The following DLGAP2 variants were observed in gnomAD, a reference collection of about 807,000 sequenced individuals.
The protein encoded by DLGAP2 is DLG associated protein 2.
A neutral mutation model predicts 100.3 loss-of-function variants in DLGAP2; 26 were observed. The observed-to-expected ratio is 0.26, with a 90% CI of 0.19 to 0.36. The LOEUF (loss-of-function observed/expected upper bound fraction) is 0.36. Ranked by LOEUF, DLGAP2 falls within the 10% of genes least tolerant of loss-of-function variation. The pLI, the probability that DLGAP2 is intolerant of heterozygous loss-of-function variation, is 1.00. For missense variants in DLGAP2, 1,858 were observed against 1,453.2 expected (o/e 1.28, Z -4.53); for synonymous variants, 886 against 630.1 (o/e 1.41, Z -6.08).
chr8:1,345,307 G>C (rs1801530323), intron 3 of DLGAP2, among the ~76,000 whole-genome samples: 1 of 136,272 alleles, frequency 7.3e-6, no homozygotes, highest in South Asian at 2.4e-4. Flanking sequence ...CTTCAGAGCA[G>C]AGTGTGCGGT....
At chr8:1,229,781 T>G (rs1374145679) in intron 2 of DLGAP2, among the ~76,000 whole-genome samples, 1 of 152,224 alleles carries the variant, frequency 6.6e-6, no homozygotes, top group African/African-American at 2.4e-5. Context: ...TACGTTCATC[T>G]GAGTACATTT....
At chr8:1,145,523 C>T (rs1002821615) in intron 2 of DLGAP2, among the ~76,000 whole-genome samples, 72 of 152,280 alleles carry the variant, frequency 4.7e-4, no homozygotes, top group Admixed American at 1.1e-3. Flanking sequence ...CTCCTCCTTC[C>T]ACTTCTCTCC....
intron 2 of DLGAP2, among the ~76,000 whole-genome samples, chr8:984,090 G>A (rs946952450): frequency 6.6e-6 from 1 of 152,196 alleles, no homozygotes; most frequent in African/African-American, 2.4e-5. Flanking sequence ...TTGGGCACCT[G>A]TCCCTACCTC....
intron 13 of DLGAP2, among the ~76,000 whole-genome samples, chr8:1,696,163 C>T (rs1799393475): frequency 6.6e-6 from 1 of 152,174 alleles, no homozygotes; most frequent in African/African-American, 2.4e-5. Flanking sequence ...TTTAAATCCC[C>T]ACTGAATCAA....
At chr8:788,750 C>G (rs1821947345) in intron 1 of DLGAP2, among the ~76,000 whole-genome samples, 1 of 152,152 alleles carries the variant, frequency 6.6e-6, no homozygotes, top group Admixed American at 6.5e-5. Flanking sequence ...ATACTGATAG[C>G]AAAGAAATAC....
Position 1,668,408 on chromosome 8 carries a change from G to A in DLGAP2, c.1890G>A (p.Thr630=), listed in dbSNP as rs146676417. The A allele has an allele frequency of 1.1e-5, 18 of 1,600,120 alleles. No homozygotes were observed. Among genetic ancestry groups the A allele is most frequent in the East Asian group, 6.8e-5 (3 of 43,894 alleles). Residue 630 remains threonine, a synonymous_variant, in exon 9 of 15, where the codon ACG becomes ACA. Transcript: ENST00000637795. ...CCTCCAAGCCTCTGATCTCGGTGAC[G>A]GCGCAGAGCAGCACCGAATCCACCC... ...RTTSKPLISV[T]AQSSTESTQD...
chr8:1,508,418 AACCCCCACCC>A (rs1800022173), intron 4 of DLGAP2, among the ~76,000 whole-genome samples: 1 of 11,042 alleles, frequency 9.1e-5, no homozygotes, highest in Non-Finnish European at 1.4e-4. Context: ...ACCCCCTGCA[AACCCCCACCC>A]CCCCCCGCAA....
chr8:1,431,997 C>T (rs1233260897), intron 3 of DLGAP2, among the ~76,000 whole-genome samples: 1 of 150,690 alleles, frequency 6.6e-6, no homozygotes, highest in African/African-American at 2.4e-5. Flanking sequence ...CCTGCCGGCA[C>T]CCAGCACCCC....
chr8:1,437,612 G>T (rs1002510381), intron 3 of DLGAP2, among the ~76,000 whole-genome samples: 2 of 151,992 alleles, frequency 1.3e-5, no homozygotes, highest in African/African-American at 2.4e-5. Context: ...TCCTAATTGT[G>T]TGAGGAAAAG....
At chr8:738,770 G>C (rs1004074116) in intron 1 of DLGAP2, 1 of 152,958 alleles carries the variant, frequency 6.5e-6, no homozygotes. Context: ...CCGAGGCTTC[G>C]GAGCAGGCTG....
intron 1 of DLGAP2, among the ~76,000 whole-genome samples, chr8:892,227 G>A (rs1017432852): frequency 6.6e-6 from 1 of 152,216 alleles, no homozygotes; most frequent in African/African-American, 2.4e-5. Context: ...AGACAGCGGG[G>A]TCTCGGGGCA....
intron 6 of DLGAP2, among the ~76,000 whole-genome samples, chr8:1,582,416 C>T (rs1033043210): frequency 2.6e-5 from 4 of 151,424 alleles, no homozygotes; most frequent in South Asian, 2.1e-4. Context: ...GCCAGAACAC[C>T]GTAAAGTGAC....
intron 1 of DLGAP2, among the ~76,000 whole-genome samples, chr8:795,201 C>T (rs1332930340): frequency 6.6e-6 from 1 of 152,208 alleles, no homozygotes; most frequent in South Asian, 2.1e-4. Context: ...ACACAGGTTC[C>T]TGCAAGCCTC....
chr8:1,465,395 A>G (rs538580050), intron 3 of DLGAP2, among the ~76,000 whole-genome samples: 2 of 151,414 alleles, frequency 1.3e-5, no homozygotes, highest in African/African-American at 4.9e-5. Flanking sequence ...AAGGGAAGAG[A>G]TGAGCAGAGG....
At chr8:1,264,215 A>G (rs1799406868) in intron 3 of DLGAP2, among the ~76,000 whole-genome samples, 1 of 152,298 alleles carries the variant, frequency 6.6e-6, no homozygotes, top group African/African-American at 2.4e-5. Flanking sequence ...AGGAATTCCA[A>G]CCAGGGGATC....
At chr8:1,452,126 T>A (rs1798177663) in intron 3 of DLGAP2, among the ~76,000 whole-genome samples, 1 of 152,278 alleles carries the variant, frequency 6.6e-6, no homozygotes, top group African/African-American at 2.4e-5. Context: ...GGGCCGTGTC[T>A]TCCAGCTGTC....
intron 2 of DLGAP2, among the ~76,000 whole-genome samples, chr8:1,116,163 G>A (rs76656077): frequency 1.3e-5 from 2 of 152,200 alleles, no homozygotes; most frequent in African/African-American, 4.8e-5. Flanking sequence ...CATGGGGTGC[G>A]CAGGCGTCAG....
chr8:1,368,725 G>A (rs1025799656), intron 3 of DLGAP2: 1 of 152,150 alleles, frequency 6.6e-6, no homozygotes, highest in African/African-American at 2.4e-5. Context: ...TCATTAGCTG[G>A]TGATCTAATA....
At chr8:1,481,214 A>C (rs1364383991) in intron 3 of DLGAP2, among the ~76,000 whole-genome samples, 3 of 151,952 alleles carry the variant, frequency 2.0e-5, no homozygotes, top group African/African-American at 7.3e-5. Context: ...AAAATGAAAG[A>C]AGGTTGAAGG....
Sources: gnomAD v4.1 joint callset for allele counts (sites outside exome capture counted in the v4.1 genomes callset) on GRCh38, gnomAD v4.1.1 for gene constraint, MANE v1.5 for transcripts, NCBI Gene and HGNC (gene_info 2026-07-23, HGNC 2026-07-21) for gene names.